Variants in N4BP2 observed in about 807,000 individuals in gnomAD.
N4BP2 encodes NEDD4 binding protein 2.
A neutral mutation model predicts 152.8 loss-of-function variants in N4BP2; 91 were observed. The ratio of observed to expected loss-of-function variants is 0.60; its 90% CI spans 0.50 to 0.71. N4BP2 has a LOEUF of 0.71. N4BP2 is among the 30% of genes least tolerant of loss of function. The probability of loss-of-function intolerance (pLI) is 0.00; values close to 1 mark genes in which losing one functional copy is unlikely to be tolerated. For synonymous variants in N4BP2, 646 were observed against 705.3 expected (o/e 0.92, Z 1.33); for missense variants, 1,923 against 2,059.1 (o/e 0.93, Z 1.28).
intron 7 of N4BP2, among the ~76,000 whole-genome samples, chr4:40,116,739 A>G (rs1717374644): frequency 6.6e-6 from 1 of 152,030 alleles, no homozygotes; most frequent in Admixed American, 6.6e-5. Flanking sequence ...TTCATCTTTG[A>G]GAATTTTCTT....
intron 10 of N4BP2, among the ~76,000 whole-genome samples, chr4:40,123,938 A>T (rs577591748): frequency 1.3e-3 from 200 of 151,530 alleles, no homozygotes; most frequent in African/African-American, 4.6e-3. Context: ...TTTTTTTTTT[A>T]AATGCAGTAT....
At chr4:40,178,962 T>A in the N4BP2 span, among the ~76,000 whole-genome samples, 1 of 152,220 alleles carries the variant, frequency 6.6e-6, no homozygotes, top group East Asian at 1.9e-4. Flanking sequence ...TCTGTCTTTG[T>A]GGTTGCCGAT....
At chr4:40,135,680 A>G (rs894062191) in intron 13 of N4BP2, among the ~76,000 whole-genome samples, 2 of 152,162 alleles carry the variant, frequency 1.3e-5, no homozygotes, top group Non-Finnish European at 2.9e-5. Flanking sequence ...CTCCTGTCTC[A>G]GCCTCCCAAG....
intron 2 of N4BP2, among the ~76,000 whole-genome samples, chr4:40,077,526 T>C (rs1242212355): frequency 6.6e-6 from 1 of 151,088 alleles, no homozygotes; most frequent in Non-Finnish European, 1.5e-5. Context: ...CGATCTTGGC[T>C]CACTGCAACC....
chr4:40,129,673 G>C (rs1718741195), intron 12 of N4BP2, among the ~76,000 whole-genome samples: 1 of 151,982 alleles, frequency 6.6e-6, no homozygotes, highest in African/African-American at 2.4e-5. Context: ...GTCTTGCAGT[G>C]TTGCCCAGGC....
Position 40,121,467 on chromosome 4 carries a change from T to C in N4BP2, c.3356T>C (p.Ile1119Thr). ...DLYERCNKDI[I>T]WATSLLLDSE... ...TATGAGAGGTGCAATAAAGATATTA[T>C]TTGGGCCACAAGCCTTTTGTTGGAT... Residue 1119 changes from isoleucine to threonine, a missense_variant, in exon 9 of 18, where the codon ATT becomes ACT. By Grantham distance (89) the Ile-to-Thr change is moderately conservative. Transcript: ENST00000261435. The C allele has an allele frequency of 1.2e-6, 2 of 1,614,092 alleles. No homozygotes were observed. Among genetic ancestry groups the C allele is most frequent in the South Asian group, 2.2e-5 (2 of 91,074 alleles).
At chr4:40,118,684 C>G (rs1249659240) in intron 8 of N4BP2, among the ~76,000 whole-genome samples, 1 of 152,054 alleles carries the variant, frequency 6.6e-6, no homozygotes. Flanking sequence ...ATTTTGTATC[C>G]ACTCAAATCA....
intron 12 of N4BP2, among the ~76,000 whole-genome samples, chr4:40,129,476 C>T (rs1193680975): frequency 6.6e-6 from 1 of 152,154 alleles, no homozygotes; most frequent in Non-Finnish European, 1.5e-5. Flanking sequence ...ATTCACCTGC[C>T]TCGGCCTCCC....
intron 16 of N4BP2, among the ~76,000 whole-genome samples, chr4:40,151,202 C>A (rs1017006896): frequency 8.5e-5 from 13 of 152,274 alleles, no homozygotes; most frequent in Non-Finnish European, 1.5e-4. Flanking sequence ...AAATGACTGA[C>A]CTAAGTGATA....
intron 2 of N4BP2, among the ~76,000 whole-genome samples, chr4:40,081,361 G>A (rs1057033618): frequency 3.3e-5 from 5 of 152,032 alleles, no homozygotes; most frequent in Non-Finnish European, 7.4e-5. Flanking sequence ...AAACTACAGT[G>A]AAGGCCGGGC....
At chr4:40,058,565 A>G (rs558674827) in intron 1 of N4BP2, among the ~76,000 whole-genome samples, 7 of 152,232 alleles carry the variant, frequency 4.6e-5, no homozygotes, top group Non-Finnish European at 8.8e-5. Flanking sequence ...AGCAGTTGAA[A>G]TCAGCACGCA....
At chr4:40,122,811 G>A (rs1718057179) in intron 9 of N4BP2, among the ~76,000 whole-genome samples, 1 of 152,120 alleles carries the variant, frequency 6.6e-6, no homozygotes. Context: ...TTTAAGACAA[G>A]ATTAATTTTT....
intron 2 of N4BP2, among the ~76,000 whole-genome samples, chr4:40,076,494 TC>T (rs1476489367): frequency 1.3e-5 from 2 of 151,788 alleles, no homozygotes; most frequent in Non-Finnish European, 2.9e-5. Context: ...CCCAAAAATA[TC>T]TTTTTTTTTT....
the N4BP2 span, among the ~76,000 whole-genome samples, chr4:40,177,775 T>C: frequency 6.6e-6 from 1 of 152,208 alleles, no homozygotes; most frequent in Non-Finnish European, 1.5e-5. Context: ...TCTTTACGGC[T>C]GCTCCCAGCT....
At chr4:40,063,635 A>AAATT (rs1056805456) in intron 1 of N4BP2, among the ~76,000 whole-genome samples, 2 of 152,004 alleles carry the variant, frequency 1.3e-5, no homozygotes, top group Non-Finnish European at 1.5e-5. Flanking sequence ...ATTTTTAATT[A>AAATT]AATTAATTAA....
chr4:40,153,852 C>CACCA (rs1464315619), intron 17 of N4BP2, among the ~76,000 whole-genome samples: 1 of 152,106 alleles, frequency 6.6e-6, no homozygotes, highest in Non-Finnish European at 1.5e-5. Flanking sequence ...CCTGATATAT[C>CACCA]AGAGATTTCT....
At chr4:40,177,104 C>T in the N4BP2 span, among the ~76,000 whole-genome samples, 1 of 152,196 alleles carries the variant, frequency 6.6e-6, no homozygotes, top group Non-Finnish European at 1.5e-5. Context: ...TAGCCTGCTT[C>T]TCTGTCTTCC....
At chr4:40,126,051 C>T in intron 11 of N4BP2, 83 bp from the exon 12 acceptor site, 1 of 857,148 alleles carries the variant, frequency 1.2e-6, no homozygotes, top group Non-Finnish European at 1.7e-6. Context: ...TCCTTGGTCT[C>T]TGAGGTAAAT....
chr4:40,124,567 G>C (rs956940151), intron 11 of N4BP2, among the ~76,000 whole-genome samples: 1 of 152,078 alleles, frequency 6.6e-6, no homozygotes, highest in Non-Finnish European at 1.5e-5. Flanking sequence ...GGCTGGTCTT[G>C]AACTCCTGAC....
Sources: allele counts gnomAD v4.1 joint callset (sites outside exome capture counted in the v4.1 genomes callset), GRCh38; gene constraint gnomAD v4.1.1; transcripts MANE v1.5; gene names NCBI Gene and HGNC (gene_info 2026-07-23, HGNC 2026-07-21).